Variants in PTPRM observed in about 807,000 individuals in gnomAD.
PTPRM encodes receptor-type tyrosine-protein phosphatase mu.
A neutral mutation model predicts 186.7 loss-of-function variants in PTPRM; 47 were observed. That is an observed-to-expected ratio of 0.25 (90% CI 0.20 to 0.32). The LOEUF (loss-of-function observed/expected upper bound fraction) is 0.32. Among genes scored for constraint, PTPRM ranks in the 10% least tolerant of loss-of-function variants. The pLI is 1.00. For missense variants in PTPRM, 1,494 were observed against 1,865.0 expected, an observed-to-expected ratio of 0.80 and a Z score of 3.66; for synonymous variants, 668 against 674.9, an observed-to-expected ratio of 0.99 and a Z score of 0.16.
At chr18:8,243,926 C>T in intron 14 of PTPRM, 132 bp from the exon 15 acceptor site, 1 of 841,934 alleles carries the variant, frequency 1.2e-6, no homozygotes, top group Non-Finnish European at 1.8e-6. Flanking sequence ...ACAAATAAGG[C>T]ACTATACATC....
chr18:7,590,321 G>T (rs1422026853), intron 1 of PTPRM, among the ~76,000 whole-genome samples: 2 of 152,174 alleles, frequency 1.3e-5, no homozygotes, highest in Non-Finnish European at 2.9e-5. Context: ...ATAGTAAGGT[G>T]TGGGGGATTA....
At chr18:7,661,274 G>A (rs1392638989) in intron 1 of PTPRM, among the ~76,000 whole-genome samples, 1 of 152,162 alleles carries the variant, frequency 6.6e-6, no homozygotes, top group East Asian at 1.9e-4. Flanking sequence ...ACTTTTAGAA[G>A]CTCCCCTTAC....
In PTPRM at chr18:8,232,824, G is replaced by T. The variant is rs528598129; in HGVS notation, c.2301-11234G>T. On this transcript the variant is annotated intron_variant, in intron 14 of 32. Transcript: ENST00000580170. ...GACAAAAGAGTATATTTGGAAGAAG[G>T]GGTCAGGGGGCACCTTGCTTCTAGT... 3.3e-5 allele frequency among the ~76,000 whole-genome samples: 5 copies of T among 152,302 alleles called. No individual in the cohort carries two copies. The South Asian group carries it at 1.0e-3, about 32-fold the overall frequency.
At chr18:8,063,111 C>T (rs1452444217) in intron 7 of PTPRM, among the ~76,000 whole-genome samples, 31 of 151,024 alleles carry the variant, frequency 2.1e-4, no homozygotes, top group South Asian at 4.2e-4. Flanking sequence ...ATCAGCGAGA[C>T]TCCGTGGGCG....
At chr18:7,917,012 C>G (rs1189142405) in intron 4 of PTPRM, among the ~76,000 whole-genome samples, 1 of 152,158 alleles carries the variant, frequency 6.6e-6, no homozygotes, top group Non-Finnish European at 1.5e-5. Flanking sequence ...TATGATCTCT[C>G]TTACATGAGT....
intron 14 of PTPRM, among the ~76,000 whole-genome samples, chr18:8,240,822 GAGAGAA>G (rs1384107202): frequency 0.047 from 1,175 of 25,112 alleles, 44 homozygotes; most frequent in Non-Finnish European, 0.071. Context: ...GAGAGAGAGA[GAGAGAA>G]AGAAAGAAAG....
chr18:8,016,686 G>T lies in PTPRM; in HGVS notation c.1133-53000G>T, dbSNP rs144084119. ...AGCAGAAAGTAAGTGTGTGGTCACAGAAATGAAAGGACAAGAGAGTTGACA... is the reference window on the plus strand; with the variant it reads ...AGCAGAAAGTAAGTGTGTGGTCACATAAATGAAAGGACAAGAGAGTTGACA... On this transcript the variant is annotated intron_variant, in intron 7 of 32. Transcript: ENST00000580170. Among the ~76,000 whole-genome samples, 246 of 152,300 alleles carry T rather than the reference G, an allele frequency of 1.6e-3. 2 individuals carry two copies. The highest frequency in any genetic ancestry group is 5.3e-3 in the African/African-American group (221 of 41,568).
At chr18:7,627,358 C>G (rs1478335057) in intron 1 of PTPRM, among the ~76,000 whole-genome samples, 5 of 152,172 alleles carry the variant, frequency 3.3e-5, no homozygotes, top group Admixed American at 1.3e-4. Flanking sequence ...GGCGGGGAAG[C>G]ATTTTATTCC....
intron 23 of PTPRM, among the ~76,000 whole-genome samples, chr18:8,362,231 A>G (rs1301924023): frequency 2.0e-5 from 3 of 152,178 alleles, no homozygotes; most frequent in South Asian, 2.1e-4. Context: ...CCTTGTCGCA[A>G]TTAGTTCGCA....
intron 20 of PTPRM, among the ~76,000 whole-genome samples, chr18:8,297,515 G>A (rs2095109769): frequency 6.6e-6 from 1 of 152,208 alleles, no homozygotes; most frequent in Non-Finnish European, 1.5e-5. Flanking sequence ...GAGCCACATA[G>A]GAGTAGCTGC....
In PTPRM at chr18:8,379,468, C is replaced by CA. The variant is rs1341401954; in HGVS notation, c.3786+134dup. 4 of 1,001,626 alleles carry CA rather than the reference C, an allele frequency of 4.0e-6. No individual in the cohort carries two copies. The South Asian group carries it at 6.8e-5, about 17-fold the overall frequency. The allele number at this position is 1,001,626 out of a possible 1,614,324, so 62.0% of individuals were successfully genotyped here. A position where few individuals can be genotyped will look rare whatever the true frequency, so the allele number is the denominator to read the frequency against. Reference sequence around the variant, plus strand: ...TTAAGACACAAACTTTTTTTTCCAACAAAAAATAGATTTCAGATTCCACGT... The same window carrying CA: ...TTAAGACACAAACTTTTTTTTCCAACAAAAAAATAGATTTCAGATTCCACGT... On this transcript the variant is annotated intron_variant, in intron 28 of 32. Transcript: ENST00000580170.
intron 1 of PTPRM, among the ~76,000 whole-genome samples, chr18:7,699,780 T>C (rs975003172): frequency 6.6e-6 from 1 of 152,142 alleles, no homozygotes; most frequent in African/African-American, 2.4e-5. Flanking sequence ...TAAGTTTTTT[T>C]AGCCTATGCC....
chr18:7,912,766 G>T (rs902573434), intron 4 of PTPRM, among the ~76,000 whole-genome samples: 1 of 151,748 alleles, frequency 6.6e-6, no homozygotes, highest in Non-Finnish European at 1.5e-5. Flanking sequence ...TGATCCGCCC[G>T]CCTCAGCCTC....
At chr18:8,282,671 A>T (rs929254424) in intron 19 of PTPRM, among the ~76,000 whole-genome samples, 1 of 152,128 alleles carries the variant, frequency 6.6e-6, no homozygotes, top group East Asian at 1.9e-4. Flanking sequence ...GCAAAAAACA[A>T]CAGCAACAAT....
At chr18:8,255,458 A>G (rs1246498484) in intron 19 of PTPRM, among the ~76,000 whole-genome samples, 2 of 152,260 alleles carry the variant, frequency 1.3e-5, no homozygotes, top group Non-Finnish European at 2.9e-5. Context: ...GAAATATTAT[A>G]TACTAATTTG....
At chr18:7,686,176 A>T (rs970612915) in intron 1 of PTPRM, among the ~76,000 whole-genome samples, 3 of 152,160 alleles carry the variant, frequency 2.0e-5, no homozygotes, top group African/African-American at 7.2e-5. Flanking sequence ...GGTCCATGGG[A>T]CAAGGATCTC....
intron 1 of PTPRM, among the ~76,000 whole-genome samples, chr18:7,619,027 A>C (rs2037874764): frequency 6.6e-6 from 1 of 152,282 alleles, no homozygotes; most frequent in Non-Finnish European, 1.5e-5. Context: ...TTTACTTAGC[A>C]GTTTGAATAG....
At chr18:7,572,172 G>A (rs1389605360) in intron 1 of PTPRM, among the ~76,000 whole-genome samples, 2 of 152,048 alleles carry the variant, frequency 1.3e-5, no homozygotes, top group Non-Finnish European at 1.5e-5. Flanking sequence ...AAAATTATAG[G>A]TTTTAGTCTC....
chr18:7,737,500 A>C (rs1283785176), intron 1 of PTPRM, among the ~76,000 whole-genome samples: 1 of 152,148 alleles, frequency 6.6e-6, no homozygotes, highest in African/African-American at 2.4e-5. Context: ...CCTCTGCTCC[A>C]TGTAATAAGG....
Sources: gnomAD v4.1 joint callset for allele counts (sites outside exome capture counted in the v4.1 genomes callset) on GRCh38, gnomAD v4.1.1 for gene constraint, MANE v1.5 for transcripts, NCBI Gene and HGNC (gene_info 2026-07-23, HGNC 2026-07-21) for gene names.